Variants in NR3C2 observed in about 807,000 individuals in gnomAD.
NR3C2 encodes the protein nuclear receptor subfamily 3 group C member 2, also known as mineralocorticoid receptor.
NR3C2 carries 15 observed loss-of-function variants against 86.4 expected under a neutral mutation model. The observed-to-expected ratio is 0.17, with a 90% CI of 0.12 to 0.27. NR3C2 has a LOEUF of 0.27. NR3C2 is among the 10% of genes least tolerant of loss of function. NR3C2 has a pLI of 1.00. For synonymous variants in NR3C2, 458 were observed against 450.5 expected (o/e 1.02, Z -0.21); for missense variants, 960 against 1,195.6 (o/e 0.80, Z 2.91).
At chr4:148,440,302 T>C (rs1579302031) in intron 1 of NR3C2, among the ~76,000 whole-genome samples, 1 of 152,244 alleles carries the variant, frequency 6.6e-6, no homozygotes, top group Admixed American at 6.5e-5. Flanking sequence ...ATTTATTTAC[T>C]ATGTCATCCA....
intron 2 of NR3C2, among the ~76,000 whole-genome samples, chr4:148,387,303 C>A (rs1428757766): frequency 6.6e-6 from 1 of 152,160 alleles, no homozygotes; most frequent in African/African-American, 2.4e-5. Flanking sequence ...AAAAAGAAGG[C>A]TGAACAGAAA....
At chr4:148,260,617 C>T (rs1170915389) in intron 2 of NR3C2, among the ~76,000 whole-genome samples, 2 of 152,190 alleles carry the variant, frequency 1.3e-5, no homozygotes, top group Non-Finnish European at 1.5e-5. Context: ...CTTGTCTCAA[C>T]TGCCAGTAAT....
chr4:148,215,785 T>TTG (rs1411569684), intron 3 of NR3C2, among the ~76,000 whole-genome samples: 6 of 150,660 alleles, frequency 4.0e-5, no homozygotes, highest in Non-Finnish European at 5.9e-5. Flanking sequence ...GCATAGTTTT[T>TTG]TTTTTTTTTT....
intron 4 of NR3C2, among the ~76,000 whole-genome samples, chr4:148,159,625 G>A (rs1000002470): frequency 6.6e-6 from 1 of 152,214 alleles, no homozygotes; most frequent in Non-Finnish European, 1.5e-5. Context: ...TTTGAATCCA[G>A]CTAGGGCTCA....
intron 8 of NR3C2, among the ~76,000 whole-genome samples, chr4:148,111,316 C>G (rs886910635): frequency 4.6e-5 from 7 of 152,176 alleles, no homozygotes; most frequent in African/African-American, 1.7e-4. Flanking sequence ...AGTAAACCGA[C>G]TAACCACGCC....
At chr4:148,093,811 A>C (rs907961168) in intron 8 of NR3C2, among the ~76,000 whole-genome samples, 1 of 152,208 alleles carries the variant, frequency 6.6e-6, no homozygotes, top group Non-Finnish European at 1.5e-5. Flanking sequence ...TATGGCACCA[A>C]AAACATAGGC....
chr4:148,444,698 T>A (rs1341245282), upstream of NR3C2: 1 of 984,954 alleles, frequency 1.0e-6, no homozygotes, highest in African/African-American at 1.8e-5. Context: ...GGTAGAGCAA[T>A]AGTGCTGTTA....
At chr4:148,176,897 T>C (rs984228476) in intron 4 of NR3C2, among the ~76,000 whole-genome samples, 12 of 152,234 alleles carry the variant, frequency 7.9e-5, no homozygotes, top group African/African-American at 2.9e-4. Context: ...TATACGCTTA[T>C]TTTCATTCCC....
chr4:148,318,087 T>C (rs141243177), intron 2 of NR3C2, among the ~76,000 whole-genome samples: 6,218 of 146,872 alleles, frequency 0.042, 439 homozygotes, highest in African/African-American at 0.15. Flanking sequence ...CATGTGATCT[T>C]ACTGTTCAAT....
chr4:148,332,216 T>C (rs554935947), intron 2 of NR3C2, among the ~76,000 whole-genome samples: 170 of 152,288 alleles, frequency 1.1e-3, no homozygotes, highest in Non-Finnish European at 2.1e-3. Flanking sequence ...AAAAGAAATA[T>C]GTTCAATAAA....
At chr4:148,295,369 C>T (rs961251200) in intron 2 of NR3C2, among the ~76,000 whole-genome samples, 4 of 151,832 alleles carry the variant, frequency 2.6e-5, no homozygotes, top group African/African-American at 9.7e-5. Context: ...CACAGCCAGC[C>T]CTGGTTGAGA....
chr4:148,330,356 C>T (rs1561046256), intron 2 of NR3C2, among the ~76,000 whole-genome samples: 1 of 152,142 alleles, frequency 6.6e-6, no homozygotes, highest in Non-Finnish European at 1.5e-5. Flanking sequence ...ACAACTGGTC[C>T]ATCCAAAGTC....
At chr4:148,266,833 G>A (rs1740420445) in intron 2 of NR3C2, among the ~76,000 whole-genome samples, 1 of 152,150 alleles carries the variant, frequency 6.6e-6, no homozygotes, top group Admixed American at 6.5e-5. Context: ...GGGTAAAAGT[G>A]GTAAAGACAG....
intron 5 of NR3C2, among the ~76,000 whole-genome samples, chr4:148,153,169 C>T (rs1560948861): frequency 6.6e-6 from 1 of 152,016 alleles, no homozygotes; most frequent in Non-Finnish European, 1.5e-5. Context: ...GACTCAAGCT[C>T]TTCTTTTGTT....
chr4:148,435,746 A>C lies in NR3C2; in HGVS notation c.1115T>G (p.Val372Gly). The change falls in exon 2 of 9, where the codon GTC becomes GGC. Residue 372 changes from valine (V) to glycine (G), a missense_variant. This residue lies in a region of NR3C2 where 680 missense variants were observed against 719.0 expected (regional missense o/e 0.95). Transcript: ENST00000358102. Reference sequence around the variant, plus strand: ...TACTTCCTCAGTCTTAGGAAAAGGGACCTCTTGAGCACCTTTCTCCTGCGT... The same window carrying C: ...TACTTCCTCAGTCTTAGGAAAAGGGCCCTCTTGAGCACCTTTCTCCTGCGT... ...PDTQEKGAQE[V>G]PFPKTEEVES... 1 of 1,614,074 alleles carries C rather than the reference A, an allele frequency of 6.2e-7. No homozygotes were observed. Among genetic ancestry groups the C allele is most frequent in the Non-Finnish European group, 8.5e-7 (1 of 1,180,008 alleles).
chr4:148,404,983 C>A (rs1227545788), intron 2 of NR3C2, among the ~76,000 whole-genome samples: 1 of 152,016 alleles, frequency 6.6e-6, no homozygotes, highest in Non-Finnish European at 1.5e-5. Flanking sequence ...AGATGTTTAC[C>A]AAATTATGTC....
chr4:148,156,302 T>C (rs1180649231), intron 4 of NR3C2, among the ~76,000 whole-genome samples: 1 of 152,102 alleles, frequency 6.6e-6, no homozygotes, highest in Non-Finnish European at 1.5e-5. Flanking sequence ...CAGCAAAAGA[T>C]ACTACCATCA....
At chr4:148,274,650 T>C (rs1409710376) in intron 2 of NR3C2, among the ~76,000 whole-genome samples, 2 of 151,788 alleles carry the variant, frequency 1.3e-5, no homozygotes, top group African/African-American at 4.8e-5. Flanking sequence ...GAACTGTGAG[T>C]AGATTAAGTC....
intron 2 of NR3C2, among the ~76,000 whole-genome samples, chr4:148,363,317 C>G (rs1745935005): frequency 6.6e-6 from 1 of 152,200 alleles, no homozygotes; most frequent in Admixed American, 6.5e-5. Context: ...AAGTCAAAGT[C>G]CTGTTTTCTT....
Sources: allele counts gnomAD v4.1 joint callset (sites outside exome capture counted in the v4.1 genomes callset), GRCh38; gene constraint gnomAD v4.1.1; regional missense constraint gnomAD v4.1.1; transcripts MANE v1.5; gene names NCBI Gene and HGNC (gene_info 2026-07-23, HGNC 2026-07-21).